AGBL1: variants seen among roughly 807,000 people sequenced by gnomAD.
The protein encoded by AGBL1 is cytosolic carboxypeptidase 4.
In AGBL1, 130 loss-of-function variants were observed where a neutral mutation model predicts 118.9. That is an observed-to-expected ratio of 1.09 (90% CI 0.95 to 1.26). AGBL1 has a LOEUF of 1.26. AGBL1 is among the 50% of genes most tolerant of loss of function. The pLI, the probability that AGBL1 is intolerant of heterozygous loss-of-function variation, is 0.00. For synonymous variants in AGBL1, 555 were observed against 478.9 expected, an observed-to-expected ratio of 1.16 and a Z score of -2.08; for missense variants, 1,584 against 1,298.1, an observed-to-expected ratio of 1.22 and a Z score of -3.38.
At chr15:87,024,813 T>G (rs143492075) in intron 24 of AGBL1, among the ~76,000 whole-genome samples, 29 of 151,882 alleles carry the variant, frequency 1.9e-4, no homozygotes, top group African/African-American at 7.0e-4. Flanking sequence ...ATTCCAAGGA[T>G]GCAGGGTTTA....
intron 24 of AGBL1, among the ~76,000 whole-genome samples, chr15:87,022,656 G>T (rs184175041): frequency 2.6e-5 from 4 of 152,012 alleles, no homozygotes; most frequent in Non-Finnish European, 4.4e-5. Context: ...CATTGTCATC[G>T]GGTTATATAA....
rs181112852 is a variant in AGBL1 at position 86,212,896 on chromosome 15, C to G, written c.489-12018C>G. ...AACTGTTGACCTCAGGTGATCCACC[C>G]GCCTCGGCCTCCCAAAGTGCTGGGA... On this transcript the variant is annotated intron_variant, in intron 5 of 22. Coordinates refer to ENST00000614907, the MANE Select transcript of AGBL1 (RefSeq NM_001386094.1). Among the ~76,000 whole-genome samples, 14 of 152,230 alleles carry G rather than the reference C, an allele frequency of 9.2e-5. No individual in the cohort carries two copies. In the East Asian group the frequency reaches 2.7e-3, roughly 29 times the overall value.
At chr15:86,175,113 A>T (rs1345553403) in intron 5 of AGBL1, among the ~76,000 whole-genome samples, 1 of 152,094 alleles carries the variant, frequency 6.6e-6, no homozygotes, top group Non-Finnish European at 1.5e-5. Context: ...GGTAGAATTC[A>T]TCAGTAAAGT....
chr15:86,285,915 A>G (rs1265927690), intron 16 of AGBL1, among the ~76,000 whole-genome samples: 1 of 152,122 alleles, frequency 6.6e-6, no homozygotes, highest in African/African-American at 2.4e-5. Context: ...CTCATAGCTA[A>G]TACTGCTTGG....
At chr15:86,628,159 A>G (rs28678825) in intron 21 of AGBL1, among the ~76,000 whole-genome samples, 75,105 of 151,486 alleles carry the variant, frequency 0.5, 19,356 homozygotes, top group East Asian at 0.79. Flanking sequence ...TTTGTTACAT[A>G]GCTTGCTGGG....
intron 22 of AGBL1, among the ~76,000 whole-genome samples, chr15:86,870,892 T>C: frequency 6.6e-6 from 1 of 152,300 alleles, no homozygotes; most frequent in South Asian, 2.1e-4. Context: ...CATTGGAATT[T>C]TCCAAACAAA....
At chr15:86,123,229 C>T (rs1898198193) in intron 1 of AGBL1, among the ~76,000 whole-genome samples, 1 of 152,050 alleles carries the variant, frequency 6.6e-6, no homozygotes. Flanking sequence ...TCCAGAACCC[C>T]TTTGTCTTTT....
Position 86,164,801 on chromosome 15 carries a change from G to A in AGBL1, c.488+5775G>A, listed in dbSNP as rs538867713. ...GGTCTTGAAGCCCATTGTATTCTCT[G>A]ACCATTGCTCCACACTTCCAGAAAG... On this transcript the variant is annotated intron_variant, in intron 5 of 22. Coordinates refer to ENST00000614907, the MANE Select transcript of AGBL1 (RefSeq NM_001386094.1). Among the ~76,000 whole-genome samples the A allele has an allele frequency of 1.4e-3, 211 of 152,216 alleles. 1 individual carries two copies. Among genetic ancestry groups the A allele is most frequent in the Admixed American group, 5.0e-3 (77 of 15,286 alleles).
intron 5 of AGBL1, among the ~76,000 whole-genome samples, chr15:86,219,212 G>C (rs1330559757): frequency 1.3e-5 from 2 of 152,104 alleles, no homozygotes; most frequent in African/African-American, 4.8e-5. Context: ...CACATATACA[G>C]AGATAAACCC....
chr15:86,192,167 CAT>C (rs2077734105), intron 5 of AGBL1, among the ~76,000 whole-genome samples: 1 of 151,182 alleles, frequency 6.6e-6, no homozygotes, highest in Non-Finnish European at 1.5e-5. Flanking sequence ...CACACACACA[CAT>C]GCACACACAC....
chr15:86,677,683 C>A (rs1160033570), intron 22 of AGBL1, among the ~76,000 whole-genome samples: 3 of 152,134 alleles, frequency 2.0e-5, no homozygotes, highest in African/African-American at 7.2e-5. Flanking sequence ...TGGCTCAACA[C>A]CTCCCGTGTT....
At chr15:86,113,217 C>CTTTTCTT (rs1555430674) in intron 1 of AGBL1, among the ~76,000 whole-genome samples, 1 of 50,802 alleles carries the variant, frequency 2.0e-5, no homozygotes, top group Non-Finnish European at 3.2e-5. Context: ...TTTTCTTTTT[C>CTTTTCTT]TTTTCTTTTC....
chr15:86,706,520 CATATTCTTCAG>C (rs2086452236), intron 22 of AGBL1, among the ~76,000 whole-genome samples: 1 of 152,052 alleles, frequency 6.6e-6, no homozygotes, highest in Admixed American at 6.6e-5. Context: ...TCCTTGAGAA[CATATTCTTCAG>C]GAAAGATTTA....
intron 18 of AGBL1, among the ~76,000 whole-genome samples, chr15:86,439,366 T>C (rs1397452326): frequency 1.1e-4 from 17 of 152,220 alleles, no homozygotes; most frequent in Admixed American, 1.1e-3. Flanking sequence ...CACTTAGAGA[T>C]GACATCTCGT....
At chr15:86,631,785 T>A (rs771546672) in intron 21 of AGBL1, among the ~76,000 whole-genome samples, 1 of 152,200 alleles carries the variant, frequency 6.6e-6, no homozygotes, top group South Asian at 2.1e-4. Flanking sequence ...TCTGTTCCTA[T>A]CTGAATGGAG....
chr15:86,462,026 T>G (rs2082340418), intron 18 of AGBL1, among the ~76,000 whole-genome samples: 1 of 152,172 alleles, frequency 6.6e-6, no homozygotes, highest in South Asian at 2.1e-4. Context: ...CCTTTGACAA[T>G]TACTTACAAA....
chr15:86,424,279 C>T (rs1431717608), intron 18 of AGBL1, among the ~76,000 whole-genome samples: 1 of 152,088 alleles, frequency 6.6e-6, no homozygotes, highest in Non-Finnish European at 1.5e-5. Flanking sequence ...CAAAAACAAG[C>T]AATGGGGAAA....
chr15:86,660,793 T>C (rs1299231562), intron 21 of AGBL1, among the ~76,000 whole-genome samples: 1 of 152,168 alleles, frequency 6.6e-6, no homozygotes, highest in African/African-American at 2.4e-5. Flanking sequence ...ATTCTAGCCA[T>C]GCGTAAATCT....
intron 21 of AGBL1, among the ~76,000 whole-genome samples, chr15:86,670,100 A>T (rs1400914942): frequency 6.6e-6 from 1 of 152,132 alleles, no homozygotes; most frequent in Non-Finnish European, 1.5e-5. Flanking sequence ...AATTTGGATT[A>T]TTATATATAA....
Sources: allele counts gnomAD v4.1 joint callset (sites outside exome capture counted in the v4.1 genomes callset), GRCh38; gene constraint gnomAD v4.1.1; transcripts MANE v1.5; gene names NCBI Gene and HGNC (gene_info 2026-07-23, HGNC 2026-07-21).